The following XRCC5 variants were observed in gnomAD, a reference collection of about 807,000 sequenced individuals.
The protein encoded by XRCC5 is X-ray repair cross complementing 5.
Under a neutral mutation model 95.7 loss-of-function variants are expected in XRCC5, and 12 were observed. The observed-to-expected ratio is 0.13, with a 90% confidence interval of 0.08 to 0.20. The LOEUF is 0.20. Ranked by LOEUF, XRCC5 falls within the 10% of genes least tolerant of loss-of-function variation. XRCC5 has a pLI of 1.00. For missense variants in XRCC5, 595 were observed against 873.9 expected, an observed-to-expected ratio of 0.68 and a Z score of 4.02; for synonymous variants, 281 against 290.3, an observed-to-expected ratio of 0.97 and a Z score of 0.33.
chr2:216,151,925 AC>A (rs947622613), intron 14 of XRCC5, among the ~76,000 whole-genome samples: 4 of 152,216 alleles, frequency 2.6e-5, no homozygotes, highest in Non-Finnish European at 5.9e-5. Flanking sequence ...TGGGAAACTT[AC>A]AATCATGGCA....
intron 5 of XRCC5, among the ~76,000 whole-genome samples, chr2:216,121,389 G>A (rs762759787): frequency 2.6e-5 from 4 of 152,116 alleles, no homozygotes; most frequent in African/African-American, 4.8e-5. Flanking sequence ...TCTGGAGGCC[G>A]GGAAGTCCAA....
At chr2:216,112,168 G>A (rs1014846514) in intron 1 of XRCC5, among the ~76,000 whole-genome samples, 2 of 152,134 alleles carry the variant, frequency 1.3e-5, no homozygotes, top group Admixed American at 6.5e-5. Context: ...TTCCTTTTAG[G>A]TTATGTTTCT....
chr2:216,116,104 A>G (rs1362232542), intron 2 of XRCC5, among the ~76,000 whole-genome samples: 2 of 152,182 alleles, frequency 1.3e-5, no homozygotes, highest in Non-Finnish European at 2.9e-5. Context: ...TTCGTTGTAT[A>G]AATATTCTGC....
At chr2:216,165,901 G>A (rs1361515754) in intron 16 of XRCC5, among the ~76,000 whole-genome samples, 1 of 152,046 alleles carries the variant, frequency 6.6e-6, no homozygotes, top group Non-Finnish European at 1.5e-5. Context: ...CCCGACATCA[G>A]CAGTCTATAT....
intron 13 of XRCC5, among the ~76,000 whole-genome samples, chr2:216,145,319 GTTAAT>G (rs1365755347): frequency 6.6e-6 from 1 of 152,086 alleles, no homozygotes; most frequent in Non-Finnish European, 1.5e-5. Context: ...TTATCAAGAG[GTTAAT>G]TTAATTCTAG....
At chr2:216,181,587 C>A (rs763842539) in intron 16 of XRCC5, among the ~76,000 whole-genome samples, 3 of 152,184 alleles carry the variant, frequency 2.0e-5, no homozygotes, top group Non-Finnish European at 4.4e-5. Context: ...TAAAGAGATG[C>A]TTGTGATTTG....
chr2:216,126,475 T>G (rs1696901698), intron 7 of XRCC5, among the ~76,000 whole-genome samples: 1 of 152,178 alleles, frequency 6.6e-6, no homozygotes, highest in Admixed American at 6.5e-5. Context: ...TAAAAAAATG[T>G]TTTGTTACTG....
At chr2:216,180,856 G>A (rs1184230249) in intron 16 of XRCC5, among the ~76,000 whole-genome samples, 69 of 149,872 alleles carry the variant, frequency 4.6e-4, no homozygotes, top group African/African-American at 9.3e-4. Flanking sequence ...GTCGTTGCCC[G>A]GGCTGGAGTG....
chr2:216,172,634 C>A (rs927937372), intron 16 of XRCC5, among the ~76,000 whole-genome samples: 23 of 151,684 alleles, frequency 1.5e-4, no homozygotes, highest in African/African-American at 5.3e-4. Context: ...ACGCCTGGCT[C>A]ATGTTTGTAT....
intron 16 of XRCC5, among the ~76,000 whole-genome samples, chr2:216,187,710 A>C (rs763120275): frequency 1.5e-4 from 22 of 149,690 alleles, no homozygotes; most frequent in Non-Finnish European, 2.5e-4. Flanking sequence ...GTCTTTATGC[A>C]GTAGTTTGGA....
At chr2:216,142,125 G>A (rs1697182613) in intron 13 of XRCC5, among the ~76,000 whole-genome samples, 1 of 152,070 alleles carries the variant, frequency 6.6e-6, no homozygotes, top group African/African-American at 2.4e-5. Context: ...GAGTAGATGG[G>A]ACTCCAGGTG....
intron 16 of XRCC5, among the ~76,000 whole-genome samples, chr2:216,184,891 T>C (rs1404820494): frequency 6.6e-6 from 1 of 152,148 alleles, no homozygotes; most frequent in African/African-American, 2.4e-5. Flanking sequence ...CCTCCCTTCT[T>C]CTGTATGCCC....
intron 14 of XRCC5, among the ~76,000 whole-genome samples, chr2:216,153,982 C>T (rs1302611696): frequency 6.6e-6 from 1 of 152,214 alleles, no homozygotes; most frequent in African/African-American, 2.4e-5. Flanking sequence ...TTCTCTATTT[C>T]AGTGAATGAC....
In XRCC5 at chr2:216,136,959, C is replaced by T. The variant is rs1319288523; in HGVS notation, c.1114-129C>T. Reference sequence around the variant, plus strand: ...CAAAAGCAAATGTGTGCACTTCGTCCTTCAAGTCAGGGGGCACCCTAAAAA... The same window carrying T: ...CAAAAGCAAATGTGTGCACTTCGTCTTTCAAGTCAGGGGGCACCCTAAAAA... On this transcript the variant is annotated intron_variant, in intron 10 of 20. Coordinates refer to ENST00000392132, the MANE Select transcript of XRCC5 (RefSeq NM_021141.4). 4.4e-6 allele frequency: 5 copies of T among 1,133,996 alleles called. No homozygotes were observed. In the East Asian group the frequency reaches 1.1e-4, roughly 24 times the overall value. 70.2% of individuals were successfully genotyped at this position (1,133,996 alleles called of 1,614,324 possible). A position where few individuals can be genotyped will look rare whatever the true frequency, so the allele number is the denominator to read the frequency against.
In XRCC5 at chr2:216,126,110, G is replaced by T. The variant is rs562200213; in HGVS notation, c.798+79G>T. The T allele has an allele frequency of 7.1e-4, 814 of 1,140,146 alleles. 7 individuals are homozygous for T. The South Asian group carries it at 0.01, about 15-fold the overall frequency. 70.6% of individuals were successfully genotyped at this position (1,140,146 alleles called of 1,614,324 possible). On this transcript the variant is annotated intron_variant, in intron 7 of 20. Transcript: ENST00000392132. ...TGTATATAAGGAACAGACAATTCAT[G>T]TGTGTGTTACTCGGAACCATAATTA...
At chr2:216,200,312 A>G (rs1337037883) in intron 19 of XRCC5, among the ~76,000 whole-genome samples, 2 of 152,188 alleles carry the variant, frequency 1.3e-5, no homozygotes, top group African/African-American at 4.8e-5. Flanking sequence ...AGGATTGAAG[A>G]CAAAGGTTAA....
At chr2:216,138,045 T>C (rs1388741795) in intron 11 of XRCC5, 44 bp from the exon 12 acceptor site, 1 of 1,499,954 alleles carries the variant, frequency 6.7e-7, no homozygotes, top group Admixed American at 2.0e-5. Context: ...TATTTTTTCA[T>C]TAATTTCATC....
chr2:216,128,827 A>G (rs1696935210), intron 8 of XRCC5, among the ~76,000 whole-genome samples: 1 of 152,140 alleles, frequency 6.6e-6, no homozygotes, highest in Non-Finnish European at 1.5e-5. Context: ...ACTCTTTGTT[A>G]TTTCCATTTT....
intron 10 of XRCC5, among the ~76,000 whole-genome samples, chr2:216,136,367 A>AAAAAAAAAAG (rs61067470): frequency 7.0e-6 from 1 of 143,210 alleles, no homozygotes; most frequent in African/African-American, 2.6e-5. Flanking sequence ...AAAAAAAAAA[A>AAAAAAAAAAG]AAAAGAAATA....
Sources: gnomAD v4.1 joint callset for allele counts (sites outside exome capture counted in the v4.1 genomes callset) on GRCh38, gnomAD v4.1.1 for gene constraint, MANE v1.5 for transcripts, NCBI Gene and HGNC (gene_info 2026-07-23, HGNC 2026-07-21) for gene names.